ADGRG4: variants seen among roughly 807,000 people sequenced by gnomAD.
ADGRG4 encodes adhesion G protein-coupled receptor G4, also known as G protein-coupled receptor 112.
A neutral mutation model predicts 126.2 loss-of-function variants in ADGRG4; 122 were observed. That is an observed-to-expected ratio of 0.97 (90% confidence interval 0.83 to 1.12). The LOEUF (loss-of-function observed/expected upper bound fraction) is 1.12. ADGRG4 is among the 50% of genes most tolerant of loss of function. The pLI is 0.00. For missense variants in ADGRG4, 2,481 were observed against 2,251.8 expected (o/e 1.10, Z -2.06); for synonymous variants, 943 against 838.7 (o/e 1.12, Z -2.15).
chrX:136,349,910 C>T lies in ADGRG4; in HGVS notation c.6204C>T (p.Leu2068=), dbSNP rs368819014. 2.7e-5 allele frequency: 33 copies of T among 1,208,799 alleles called. No individual in the cohort carries two copies. Among genetic ancestry groups the T allele is most frequent in the Non-Finnish European group, 3.4e-5 (30 of 894,511 alleles). The change falls in exon 6 of 26, where the codon CTC becomes CTT. Residue 2068 remains leucine, a synonymous_variant. Transcript: ENST00000394143. ...CCTCTGCTACTATGAGCACCATACT[C>T]ACCCGAACCATTCCTACACCTACAC... ...TLPSATMSTI[L]TRTIPTPTLG...
At chrX:136,361,647 G>A in intron 12 of ADGRG4, 60 bp downstream of exon 12, 3 of 912,038 alleles carry the variant, frequency 3.3e-6, no homozygotes, top group Non-Finnish European at 4.5e-6. Flanking sequence ...CCTAATTGGG[G>A]ACATGTTTCT....
rs1301595425 is a variant in ADGRG4 at position 136,347,740 on chromosome X, C to T, written c.4034C>T (p.Ser1345Leu). ...ACACAGATTACACCAACCTTGACCT[C>T]AAGTAACACAGTAGGTGTTCACATT... ...GSTQITPTLT[S>L]SNTVGVHIPE... Residue 1345 changes from serine to leucine, a missense_variant, in exon 6 of 26, where the codon TCA becomes TTA. Ser to Leu is a moderately radical substitution (Grantham distance 145). Coordinates refer to ENST00000394143, the MANE Select transcript of ADGRG4 (RefSeq NM_153834.4). 2 of 1,210,459 alleles carry T rather than the reference C, an allele frequency of 1.7e-6. No homozygotes were observed. Among genetic ancestry groups the T allele is most frequent in the Non-Finnish European group, 1.1e-6 (1 of 894,454 alleles).
intron 23 of ADGRG4, among the ~76,000 whole-genome samples, chrX:136,406,963 G>A (rs1038930493): frequency 9.1e-6 from 1 of 109,523 alleles, no homozygotes; most frequent in Non-Finnish European, 1.9e-5. Context: ...CTGAATAATT[G>A]CTGACGTTCA....
chrX:136,339,145 C>T (rs892458939), intron 5 of ADGRG4, among the ~76,000 whole-genome samples: 2 of 111,220 alleles, frequency 1.8e-5, no homozygotes, highest in African/African-American at 6.5e-5. Context: ...GGCTAGTTTT[C>T]GTAGACTTGG....
At chrX:136,405,011 G>A (rs950792483) in intron 22 of ADGRG4, among the ~76,000 whole-genome samples, 1 of 111,889 alleles carries the variant, frequency 8.9e-6, no homozygotes, top group African/African-American at 3.2e-5. Context: ...AATTGCAAAT[G>A]TTATTAAATG....
chrX:136,361,567 T>C lies in ADGRG4; in HGVS notation c.7257T>C (p.Asp2419=), dbSNP rs370984488. 12 of 1,177,119 alleles carry C rather than the reference T, an allele frequency of 1.0e-5. No homozygotes were observed. Among genetic ancestry groups the C allele is most frequent in the Middle Eastern group, 2.4e-4 (1 of 4,226 alleles). The part of the protein sequence containing the change: ...TAQTRCIKNE[D]GNATRFCSIS... ...AAACCAGATGCATAAAAAATGAGGA[T>C]GGAAATGCCACAAGATTCTGGTATG... Residue 2419 remains aspartate, a synonymous_variant, in exon 12 of 26, where the codon GAT becomes GAC. Coordinates refer to ENST00000394143, the MANE Select transcript of ADGRG4 (RefSeq NM_153834.4).
intron 3 of ADGRG4, among the ~76,000 whole-genome samples, chrX:136,305,421 C>A (rs972661426): frequency 2.7e-5 from 3 of 111,657 alleles, no homozygotes; most frequent in African/African-American, 9.8e-5. Context: ...ACCCCAGGGG[C>A]CTCACCTGTA....
chrX:136,387,684 G>A, intron 15 of ADGRG4, 56 bp from the exon 16 acceptor site: 1 of 1,137,488 alleles, frequency 8.8e-7, no homozygotes, highest in South Asian at 2.0e-5. Context: ...AGGTGGGCAG[G>A]ACTTCACTAT....
At chrX:136,313,894 T>C (rs773790539) in intron 4 of ADGRG4, among the ~76,000 whole-genome samples, 1 of 110,898 alleles carries the variant, frequency 9.0e-6, no homozygotes, top group Non-Finnish European at 1.9e-5. Flanking sequence ...TAGAGGGCCC[T>C]GTATTTCCAC....
At chrX:136,337,373 T>C (rs1263952465) in intron 5 of ADGRG4, among the ~76,000 whole-genome samples, 1 of 112,432 alleles carries the variant, frequency 8.9e-6, no homozygotes, top group African/African-American at 3.2e-5. Context: ...ATCTATTTTA[T>C]GTACCCATAT....
intron 15 of ADGRG4, among the ~76,000 whole-genome samples, chrX:136,380,655 C>T (rs566639009): frequency 0.17 from 10,877 of 64,146 alleles, 1,165 homozygotes; most frequent in Non-Finnish European, 0.21. Flanking sequence ...CTTCTTCCTC[C>T]TCCTCCTCCT....
chrX:136,351,319 G>A, intron 6 of ADGRG4, 128 bp from the exon 7 acceptor site: 1 of 338,608 alleles, frequency 3.0e-6, no homozygotes, highest in East Asian at 5.0e-5. Context: ...GTTAAATTAA[G>A]CTAAGTTTAG....
chrX:136,355,551 C>T (rs918330167), intron 8 of ADGRG4, among the ~76,000 whole-genome samples: 1 of 111,157 alleles, frequency 9.0e-6, no homozygotes, highest in Non-Finnish European at 1.9e-5. Context: ...ATATATATAA[C>T]ATGGACGGTA....
chrX:136,335,635 T>C (rs1409040772), intron 5 of ADGRG4, among the ~76,000 whole-genome samples: 1 of 111,964 alleles, frequency 8.9e-6, no homozygotes, highest in East Asian at 2.8e-4. Flanking sequence ...TTCTAACTTG[T>C]TGAATTTGTG....
intron 18 of ADGRG4, among the ~76,000 whole-genome samples, 190 bp downstream of exon 18, chrX:136,393,770 A>G (rs2075332283): frequency 8.9e-6 from 1 of 111,767 alleles, no homozygotes. Flanking sequence ...CCTTTTTGAT[A>G]GGTAAGATCT....
chrX:136,396,956 CT>C (rs2075352802), intron 19 of ADGRG4, among the ~76,000 whole-genome samples: 1 of 110,019 alleles, frequency 9.1e-6, no homozygotes, highest in Non-Finnish European at 1.9e-5. Flanking sequence ...ACCCAGCTAA[CT>C]TTTGTATTTT....
At chrX:136,356,218 G>C in intron 9 of ADGRG4, 53 bp downstream of exon 9, 1 of 858,413 alleles carries the variant, frequency 1.2e-6, no homozygotes, top group Non-Finnish European at 1.7e-6. Context: ...TGCCTGATTA[G>C]ATGTAAGTCA....
rs2148498572 is a variant in ADGRG4 at position 136,403,258 on chromosome X, A to G, written c.8590A>G (p.Met2864Val). 8.3e-7 allele frequency: 1 copy of G among 1,210,545 alleles called. No homozygotes were observed. The highest frequency in any genetic ancestry group is 1.1e-6 in the Non-Finnish European group (1 of 894,298). The change falls in exon 22 of 26, where the codon ATG (methionine) becomes GTG (valine). Residue 2864 changes from methionine (M) to valine (V), a missense_variant. Physicochemically the swap from Met to Val is conservative, Grantham distance 21 (BLOSUM62 1). Coordinates refer to ENST00000394143, the MANE Select transcript of ADGRG4 (RefSeq NM_153834.4). ...TCCCACTGCAGGAATCCCGGCTATCATGGTGGCAATCACAGTCAGTGTGAA... is the reference window on the plus strand; with the variant it reads ...TCCCACTGCAGGAATCCCGGCTATCGTGGTGGCAATCACAGTCAGTGTGAA... Reference protein sequence around the residue: ...CLVGWGIPAIMVAITVSVKKD... With the variant: ...CLVGWGIPAIVVAITVSVKKD...
At chrX:136,369,853 A>T (rs1164941404) in intron 13 of ADGRG4, among the ~76,000 whole-genome samples, 1 of 111,929 alleles carries the variant, frequency 8.9e-6, no homozygotes, top group Non-Finnish European at 1.9e-5. Context: ...TTCAGTTCCT[A>T]TGTGAGCCAT....
Sources: allele counts gnomAD v4.1 joint callset (sites outside exome capture counted in the v4.1 genomes callset), GRCh38; gene constraint gnomAD v4.1.1; transcripts MANE v1.5; gene names NCBI Gene and HGNC (gene_info 2026-07-23, HGNC 2026-07-21).